Variants in FGF14 observed in about 807,000 individuals in gnomAD.
FGF14 encodes fibroblast growth factor homologous factor 4.
FGF14 carries 5 observed loss-of-function variants against 25.5 expected under a neutral mutation model. That is an observed-to-expected ratio of 0.20 (90% CI 0.10 to 0.41). The LOEUF is 0.41. FGF14 is among the 10% of genes least tolerant of loss of function. The pLI, the probability that FGF14 is intolerant of heterozygous loss-of-function variation, is 1.00. For synonymous variants in FGF14, 138 were observed against 118.3 expected (o/e 1.17, Z -1.08); for missense variants, 222 against 320.1 (o/e 0.69, Z 2.34).
intron 3 of FGF14, among the ~76,000 whole-genome samples, chr13:101,845,331 C>T (rs2043400051): frequency 1.3e-5 from 2 of 151,984 alleles, no homozygotes; most frequent in South Asian, 4.1e-4. Flanking sequence ...CAACAAAAAA[C>T]AGTTCTGATC....
chr13:101,920,818 C>T (rs1219733011), upstream of FGF14, among the ~76,000 whole-genome samples: 1 of 152,148 alleles, frequency 6.6e-6, no homozygotes, highest in Non-Finnish European at 1.5e-5. Context: ...TCCCGTAAGC[C>T]TACTTTCACA....
At chr13:102,161,606 A>AGAAG (rs2047683464) in intron 1 of FGF14, among the ~76,000 whole-genome samples, 2 of 3,320 alleles carry the variant, frequency 6.0e-4, no homozygotes, top group Non-Finnish European at 4.8e-4. Flanking sequence ...AAGAAGAAGA[A>AGAAG]GAAGAAGAAG....
chr13:102,147,740 A>G (rs1379369459), intron 1 of FGF14, among the ~76,000 whole-genome samples: 1 of 152,192 alleles, frequency 6.6e-6, no homozygotes, highest in Non-Finnish European at 1.5e-5. Context: ...GGAGTGGTAG[A>G]AAAGGGGCTG....
chr13:101,978,134 G>A (rs1197979806), intron 1 of FGF14, among the ~76,000 whole-genome samples: 4 of 152,120 alleles, frequency 2.6e-5, no homozygotes, highest in African/African-American at 4.8e-5. Flanking sequence ...ACAAAAATTG[G>A]GGTGCTTTTT....
chr13:101,925,167 G>A (rs972060703), intron 1 of FGF14, among the ~76,000 whole-genome samples: 20 of 152,058 alleles, frequency 1.3e-4, no homozygotes, highest in African/African-American at 4.8e-4. Flanking sequence ...AAAAATAAAT[G>A]ACAAATAAAA....
At chr13:102,114,691 C>A (rs1328917445) in intron 1 of FGF14, among the ~76,000 whole-genome samples, 5 of 152,086 alleles carry the variant, frequency 3.3e-5, no homozygotes, top group African/African-American at 1.2e-4. Context: ...CATGGATGAG[C>A]CTTGAGAACA....
chr13:101,833,919 C>G (rs1335672472), intron 3 of FGF14, among the ~76,000 whole-genome samples: 1 of 152,064 alleles, frequency 6.6e-6, no homozygotes, highest in Admixed American at 6.6e-5. Flanking sequence ...TTGTTATATC[C>G]TGACACAAAT....
At chr13:101,765,564 C>T (rs894382673) in intron 3 of FGF14, among the ~76,000 whole-genome samples, 3 of 152,142 alleles carry the variant, frequency 2.0e-5, no homozygotes, top group Non-Finnish European at 1.5e-5. Flanking sequence ...GTTATACCTT[C>T]CTACTCTTTC....
At chr13:102,355,646 T>C (rs1315322609) in intron 1 of FGF14, among the ~76,000 whole-genome samples, 4 of 151,050 alleles carry the variant, frequency 2.6e-5, no homozygotes, top group Non-Finnish European at 5.9e-5. Context: ...AGGTATTCTG[T>C]AGAAGGAACA....
chr13:101,722,775 A>AT lies in FGF14; in HGVS notation c.*55dup. ...CACGGAGCAGGAATGTCTGGTGAGG[A>AT]TAAATCACTCAACTGTGCTCAGGAC... On this transcript the variant is annotated 3_prime_UTR_variant, in exon 5 of 5. Coordinates refer to ENST00000376143, the MANE Select transcript of FGF14 (RefSeq NM_004115.4). 1 of 1,607,436 alleles carries AT rather than the reference A, an allele frequency of 6.2e-7. No individual in the cohort carries two copies. The highest frequency in any genetic ancestry group is 8.5e-7 in the Non-Finnish European group (1 of 1,174,414).
At chr13:102,243,966 C>T (rs1391847118) in intron 1 of FGF14, among the ~76,000 whole-genome samples, 1 of 152,014 alleles carries the variant, frequency 6.6e-6, no homozygotes, top group Non-Finnish European at 1.5e-5. Flanking sequence ...TGCTCTGAAG[C>T]ATCTCTTACT....
chr13:102,352,145 T>C (rs2057297145), intron 1 of FGF14, among the ~76,000 whole-genome samples: 2 of 152,058 alleles, frequency 1.3e-5, no homozygotes, highest in Non-Finnish European at 2.9e-5. Context: ...TCAAACATTA[T>C]GGTGTATTAC....
intron 1 of FGF14, chr13:102,394,462 C>T (rs1444446812): frequency 6.6e-6 from 1 of 152,398 alleles, no homozygotes; most frequent in Non-Finnish European, 1.5e-5. Context: ...TAGCCCCGAC[C>T]CGCGCCCCAA....
intron 1 of FGF14, among the ~76,000 whole-genome samples, chr13:102,343,829 A>G (rs964590294): frequency 1.3e-5 from 2 of 152,196 alleles, no homozygotes; most frequent in African/African-American, 4.8e-5. Flanking sequence ...CAAGGCTGAC[A>G]TTAAGATACA....
At chr13:102,180,639 T>C (rs373081349) in intron 1 of FGF14, among the ~76,000 whole-genome samples, 5 of 152,248 alleles carry the variant, frequency 3.3e-5, no homozygotes, top group African/African-American at 1.2e-4. Context: ...ATTTTAAAAA[T>C]ATGCTTTTAC....
chr13:102,233,123 G>A (rs2051157378), intron 1 of FGF14, among the ~76,000 whole-genome samples: 1 of 151,832 alleles, frequency 6.6e-6, no homozygotes, highest in Non-Finnish European at 1.5e-5. Flanking sequence ...CGTCTAATAT[G>A]CCATTTTTGT....
chr13:101,758,657 T>G (rs2037810723), intron 3 of FGF14, among the ~76,000 whole-genome samples: 1 of 152,210 alleles, frequency 6.6e-6, no homozygotes, highest in Non-Finnish European at 1.5e-5. Context: ...TTTCTCTTAT[T>G]TCTTGACCTA....
intron 1 of FGF14, among the ~76,000 whole-genome samples, chr13:102,064,638 A>G (rs1018478099): frequency 2.0e-5 from 3 of 152,098 alleles, no homozygotes; most frequent in Non-Finnish European, 4.4e-5. Context: ...AATTTGTGTA[A>G]GTCTTTTAAT....
chr13:102,218,095 G>A (rs1308660781), intron 1 of FGF14, among the ~76,000 whole-genome samples: 1 of 151,994 alleles, frequency 6.6e-6, no homozygotes, highest in Non-Finnish European at 1.5e-5. Context: ...AATCTGCCTT[G>A]GGACCTTCAT....
Sources: gnomAD v4.1 joint callset for allele counts (sites outside exome capture counted in the v4.1 genomes callset) on GRCh38, gnomAD v4.1.1 for gene constraint, MANE v1.5 for transcripts, NCBI Gene and HGNC (gene_info 2026-07-23, HGNC 2026-07-21) for gene names.